The following MTERF4 variants were observed in gnomAD, a reference collection of about 807,000 sequenced individuals.
MTERF4 encodes the protein transcription termination factor 4, mitochondrial.
MTERF4 carries 17 observed loss-of-function variants against 22.5 expected under a neutral mutation model. That is an observed-to-expected ratio of 0.75 (90% CI 0.52 to 1.13). MTERF4 has a LOEUF of 1.13. MTERF4 is among the 50% of genes most tolerant of loss of function. The pLI, the probability that MTERF4 is intolerant of heterozygous loss-of-function variation, is 0.00. For synonymous variants in MTERF4, 165 were observed against 175.3 expected (o/e 0.94, Z 0.47); for missense variants, 420 against 466.8 (o/e 0.90, Z 0.92).
At chr2:241,089,375 T>C, downstream of MTERF4, 1 of 1,550,462 alleles carries the variant, frequency 6.4e-7, no homozygotes, top group South Asian at 1.2e-5. Context: ...CCTAAAAAAA[T>C]AAAGGAGAAA....
the MTERF4 span, among the ~76,000 whole-genome samples, chr2:241,058,778 G>A: frequency 1.3e-5 from 2 of 152,030 alleles, no homozygotes; most frequent in South Asian, 2.1e-4. Flanking sequence ...GTGAAACCCC[G>A]TCTCTACTAA....
At chr2:241,051,619 C>A in the MTERF4 span, 1 of 752,496 alleles carries the variant, frequency 1.3e-6, no homozygotes, top group Non-Finnish European at 2.0e-6. The surrounding 1 kb of genome is among the most constrained non-coding windows in gnomAD (Gnocchi z 4.7). Context: ...TGCAGCCAGG[C>A]CCCAGGGCTT....
the MTERF4 span, among the ~76,000 whole-genome samples, chr2:241,058,352 G>A: frequency 1.3e-5 from 2 of 151,950 alleles, no homozygotes; most frequent in Non-Finnish European, 2.9e-5. Context: ...TTTCAAACTT[G>A]ATTAATTAAA....
At chr2:241,063,899 T>C in the MTERF4 span, 1 of 865,472 alleles carries the variant, frequency 1.2e-6, no homozygotes. Context: ...CCACTGCCCC[T>C]CTCTCCTGGC....
At chr2:241,046,308 A>G in the MTERF4 span, among the ~76,000 whole-genome samples, 1 of 152,238 alleles carries the variant, frequency 6.6e-6, no homozygotes, top group African/African-American at 2.4e-5. Context: ...TCCTTGTATT[A>G]ACTCTAAAGA....
chr2:241,096,190 C>T lies in MTERF4; in HGVS notation c.954G>A (p.Lys318=). Residue 318 remains lysine (K), a synonymous_variant, in exon 4 of 4, where the codon AAG becomes AAA. Transcript: ENST00000391980. The surrounding 1 kb of genome is among the most constrained non-coding windows in gnomAD (Gnocchi z 5.1). Reference sequence around the variant, plus strand: ...ACTCCTCCTCCTCCCGAGCCAGGAGCTTCTTAAAAACTTGAAACTCCTCAA... The same window carrying T: ...ACTCCTCCTCCTCCCGAGCCAGGAGTTTCTTAAAAACTTGAAACTCCTCAA... ...TSVEEFQVFK[K]LLAREEEESE... is the part of the protein sequence containing the mutation. 1 of 1,614,182 alleles carries T rather than the reference C, an allele frequency of 6.2e-7. No individual in the cohort carries two copies. The highest frequency in any genetic ancestry group is 1.3e-5 in the African/African-American group (1 of 75,032).
the MTERF4 span, among the ~76,000 whole-genome samples, chr2:241,057,380 A>AATATATATATATATATATATATAT: frequency 1.9e-4 from 23 of 118,104 alleles, no homozygotes; most frequent in African/African-American, 4.2e-4. Flanking sequence ...TCCATCTCAA[A>AATATATATATATATATATATATAT]ATATATATAT....
At chr2:241,068,576 C>T (rs1468834132), downstream of MTERF4, among the ~76,000 whole-genome samples, 2 of 152,114 alleles carry the variant, frequency 1.3e-5, no homozygotes, top group African/African-American at 4.8e-5. This position sits in a 1 kb window ranked among gnomAD's most constrained non-coding sequence, Gnocchi z 5.3. Flanking sequence ...TACATCAACT[C>T]ACCTGTGCTG....
chr2:241,099,766 C>A lies in MTERF4; in HGVS notation c.150G>T (p.Gly50=). ...LRKLTTASNG[G]VIEELSCVRS... ...TAACACAAGATAACTCCTCAATGAC[C>A]CCTCCATTGGAGGCTGTAGTCAGTT... The change falls in exon 2 of 4, where the codon GGG becomes GGT. Residue 50 remains glycine, a synonymous_variant. Coordinates refer to ENST00000391980, the MANE Select transcript of MTERF4 (RefSeq NM_182501.4). 1 of 1,614,116 alleles carries A rather than the reference C, an allele frequency of 6.2e-7. No individual in the cohort carries two copies. Among genetic ancestry groups the A allele is most frequent in the Non-Finnish European group, 8.5e-7 (1 of 1,180,026 alleles).
At chr2:241,102,088 T>C (rs2064738599) in intron 1 of MTERF4, 165 bp downstream of exon 1, 1 of 857,292 alleles carries the variant, frequency 1.2e-6, no homozygotes, top group Non-Finnish European at 1.8e-6. Context: ...CCCACAATAA[T>C]TGAGCAGAGC....
downstream of MTERF4, chr2:241,090,242 A>G (rs571065593): frequency 1.8e-3 from 2,739 of 1,497,472 alleles, no homozygotes; most frequent in Non-Finnish European, 2.3e-3. Flanking sequence ...TTTGTTAAAA[A>G]CTAAGACACA....
At chr2:241,087,938 A>T (rs1044806695), downstream of MTERF4, 51 of 405,620 alleles carry the variant, frequency 1.3e-4, no homozygotes, top group African/African-American at 1.0e-3. Context: ...GAAACCACAG[A>T]GTCGAAGCCT....
At chr2:241,093,088 A>G (rs923710734), downstream of MTERF4, 3 of 152,208 alleles carry the variant, frequency 2.0e-5, no homozygotes, top group African/African-American at 7.2e-5. Flanking sequence ...TGTATTCTGC[A>G]ATTTGTCATT....
At chr2:241,060,478 G>A in the MTERF4 span, among the ~76,000 whole-genome samples, 13 of 152,064 alleles carry the variant, frequency 8.5e-5, no homozygotes, top group Non-Finnish European at 1.2e-4. Context: ...CACCATGCCC[G>A]TCCCTAACTA....
At chr2:241,051,419 G>A in the MTERF4 span, 3 of 274,456 alleles carry the variant, frequency 1.1e-5, no homozygotes, top group Non-Finnish European at 2.0e-5. This position sits in a 1 kb window ranked among gnomAD's most constrained non-coding sequence, Gnocchi z 4.7. Flanking sequence ...CCCGTGTGCA[G>A]GAGGGAGGGA....
At chr2:241,051,847 G>A in the MTERF4 span, 1 of 1,556,472 alleles carries the variant, frequency 6.4e-7, no homozygotes, top group South Asian at 1.2e-5. This position sits in a 1 kb window ranked among gnomAD's most constrained non-coding sequence, Gnocchi z 4.7. Context: ...TCACTGGGAG[G>A]CACTGTGAGA....
downstream of MTERF4, chr2:241,071,929 C>T (rs764042934): frequency 2.1e-6 from 3 of 1,402,288 alleles, no homozygotes; most frequent in East Asian, 2.5e-5. Context: ...CTCGTCCTCA[C>T]TGCCACTCTC....
chr2:241,068,641 C>G (rs1409257325), downstream of MTERF4, among the ~76,000 whole-genome samples: 2 of 152,040 alleles, frequency 1.3e-5, no homozygotes, highest in Non-Finnish European at 2.9e-5. This position sits in a 1 kb window ranked among gnomAD's most constrained non-coding sequence, Gnocchi z 5.3. Flanking sequence ...CTGGCCTCTC[C>G]CAGCTGAACA....
In MTERF4 at chr2:241,096,197, A is replaced by T. The variant is rs1241856714; in HGVS notation, c.947T>A (p.Phe316Tyr). 6.2e-7 allele frequency: 1 copy of T among 1,614,134 alleles called. No homozygotes were observed. The highest frequency in any genetic ancestry group is 8.5e-7 in the Non-Finnish European group (1 of 1,180,036). The change falls in exon 4 of 4, where the codon TTT (phenylalanine) becomes TAT (tyrosine). Residue 316 changes from phenylalanine to tyrosine, a missense_variant. By Grantham distance (22) the Phe-to-Tyr change is conservative. Coordinates refer to ENST00000391980, the MANE Select transcript of MTERF4 (RefSeq NM_182501.4). This position sits in a 1 kb window ranked among gnomAD's most constrained non-coding sequence, Gnocchi z 5.1. Reference sequence around the variant, plus strand: ...CTCCTCCCGAGCCAGGAGCTTCTTAAAAACTTGAAACTCCTCAACAGAAGT... The same window carrying T: ...CTCCTCCCGAGCCAGGAGCTTCTTATAAACTTGAAACTCCTCAACAGAAGT... ...ACTSVEEFQV[F>Y]KKLLAREEEE...
Sources: allele counts gnomAD v4.1 joint callset (sites outside exome capture counted in the v4.1 genomes callset), GRCh38; gene constraint gnomAD v4.1.1; non-coding constraint Gnocchi (gnomAD v3.1); transcripts MANE v1.5; gene names NCBI Gene and HGNC (gene_info 2026-07-23, HGNC 2026-07-21).